The following AKAP11 variants were observed in gnomAD, a reference collection of about 807,000 sequenced individuals.
The protein encoded by AKAP11 is A-kinase anchoring protein 11.
A neutral mutation model predicts 146.1 loss-of-function variants in AKAP11; 36 were observed. The observed-to-expected ratio is 0.25, with a 90% CI of 0.19 to 0.33. The LOEUF (loss-of-function observed/expected upper bound fraction) is 0.33, where lower values mean the gene tolerates loss of function less well. Among genes scored for constraint, AKAP11 ranks in the 10% least tolerant of loss-of-function variants. The pLI, the probability that AKAP11 is intolerant of heterozygous loss-of-function variation, is 1.00. For missense variants in AKAP11, 2,201 were observed against 2,197.0 expected, an observed-to-expected ratio of 1.00 and a Z score of -0.04; for synonymous variants, 780 against 786.5, an observed-to-expected ratio of 0.99 and a Z score of 0.14.
intron 7 of AKAP11, 69 bp from the exon 8 acceptor site, chr13:42,299,294 A>G (rs1566270595): frequency 3.0e-6 from 4 of 1,341,548 alleles, no homozygotes; most frequent in Non-Finnish European, 4.0e-6. Context: ...AGTTTATTCC[A>G]TGGATTTAAG....
rs767012617 is a variant in AKAP11 at position 42,300,311 on chromosome 13, A to G, written c.1565A>G (p.Glu522Gly). 6.2e-7 allele frequency: 1 copy of G among 1,611,850 alleles called. No homozygotes were observed. Reference protein sequence around the residue: ...LSNINSIKHGENKTVTFKHGN... With the variant: ...LSNINSIKHGGNKTVTFKHGN... ...AATATTAACAGTATTAAACATGGAGAAAATAAAACTGTAACTTTTAAGCAT... is the reference window on the plus strand; with the variant it reads ...AATATTAACAGTATTAAACATGGAGGAAATAAAACTGTAACTTTTAAGCAT... The change falls in exon 8 of 13, where the codon GAA becomes GGA. Residue 522 changes from glutamate (E) to glycine (G), a missense_variant. By Grantham distance (98) the Glu-to-Gly change is moderately conservative (BLOSUM62 -2). Coordinates refer to ENST00000025301, the MANE Select transcript of AKAP11 (RefSeq NM_016248.4).
chr13:42,308,427 TTTTTTTTC>T lies in AKAP11; in HGVS notation c.5118-16_5118-9del, dbSNP rs756055037. 5.2e-6 allele frequency: 8 copies of T among 1,535,726 alleles called. No homozygotes were observed. In the South Asian group the frequency reaches 7.4e-5, roughly 14 times the overall value. The stretch of plus-strand genomic sequence containing the variant: ...AGAATCTGGGATGCTTTCAATTTGA[TTTTTTTTC>T]TTTTTTTCTTCTTTTTAGTTCAAAA... On this transcript the variant is annotated intron_variant, in intron 8 of 12. Coordinates refer to ENST00000025301, the MANE Select transcript of AKAP11 (RefSeq NM_016248.4).
chr13:42,322,669 T>G lies in AKAP11; in HGVS notation c.*3441T>G, dbSNP rs576520993. Reference sequence around the variant, plus strand: ...AATTATACTAAAGTGAGATGCATTTTTTCTCATTTTCAGCAAGACTCCTCT... The same window carrying G: ...AATTATACTAAAGTGAGATGCATTTGTTCTCATTTTCAGCAAGACTCCTCT... On this transcript the variant is annotated 3_prime_UTR_variant, in exon 13 of 13. Coordinates refer to ENST00000025301, the MANE Select transcript of AKAP11 (RefSeq NM_016248.4). 6.6e-6 allele frequency: 1 copy of G among 152,466 alleles called. No individual in the cohort carries two copies. The highest frequency in any genetic ancestry group is 2.1e-4 in the South Asian group (1 of 4,828). The allele number at this position is 152,466 out of a possible 1,614,324, so 9.4% of individuals were successfully genotyped here.
chr13:42,279,114 GCTTT>G (rs1958996901), intron 1 of AKAP11, among the ~76,000 whole-genome samples: 1 of 151,904 alleles, frequency 6.6e-6, no homozygotes. Context: ...ATTTGCCTTG[GCTTT>G]CTTTATGTTT....
rs41288311 is a variant in AKAP11 at position 42,302,154 on chromosome 13, A to C, written c.3408A>C (p.Thr1136=). 200,348 of 1,614,068 alleles carry C rather than the reference A, an allele frequency of 0.12. 13,881 individuals are homozygous for C. Among genetic ancestry groups the C allele is most frequent in the Non-Finnish European group, 0.14 (163,375 of 1,179,978 alleles). ...TAGCCAAAGAGTTTGCACCTGCTAC[A>C]CCACCTTCTACTCCACACAACTCAT... is the stretch of plus-strand genomic sequence containing the variant. ...GELAKEFAPA[T]PPSTPHNSSV... Residue 1136 remains threonine (T), a synonymous_variant, in exon 8 of 13, where the codon ACA becomes ACC. Coordinates refer to ENST00000025301, the MANE Select transcript of AKAP11 (RefSeq NM_016248.4).
Position 42,322,403 on chromosome 13 carries a change from G to C in AKAP11, c.*3175G>C, listed in dbSNP as rs925920910. The C allele has an allele frequency of 7.2e-5, 11 of 152,244 alleles. No homozygotes were observed. Among genetic ancestry groups the C allele is most frequent in the Admixed American group, 6.5e-4 (10 of 15,270 alleles). 9.4% of individuals were successfully genotyped at this position (152,244 alleles called of 1,614,324 possible). On this transcript the variant is annotated 3_prime_UTR_variant, in exon 13 of 13. Coordinates refer to ENST00000025301, the MANE Select transcript of AKAP11 (RefSeq NM_016248.4). ...AGAGTTTAACCTTGATTCTTCAACAGAGTCCAGATTTAAATGTCTACTTAG... is the reference window on the plus strand; with the variant it reads ...AGAGTTTAACCTTGATTCTTCAACACAGTCCAGATTTAAATGTCTACTTAG...
chr13:42,300,563 C>T lies in AKAP11; in HGVS notation c.1817C>T (p.Ser606Leu), dbSNP rs1959810950. The T allele has an allele frequency of 6.2e-7, 1 of 1,613,776 alleles. No homozygotes were observed. Among genetic ancestry groups the T allele is most frequent in the African/African-American group, 1.3e-5 (1 of 74,918 alleles). Residue 606 changes from serine (S) to leucine (L), a missense_variant, in exon 8 of 13, where the codon TCA becomes TTA. Coordinates refer to ENST00000025301, the MANE Select transcript of AKAP11 (RefSeq NM_016248.4). ...FDELRRQRAF[S>L]LKERAISGLA... ...GAGCTGAGAAGGCAGCGTGCATTTTCACTAAAAGAACGTGCCATTAGTGGC... is the reference window on the plus strand; with the variant it reads ...GAGCTGAGAAGGCAGCGTGCATTTTTACTAAAAGAACGTGCCATTAGTGGC...
intron 1 of AKAP11, among the ~76,000 whole-genome samples, chr13:42,273,413 A>AT (rs1185885591): frequency 6.7e-6 from 1 of 149,982 alleles, no homozygotes; most frequent in Admixed American, 6.6e-5. Context: ...CTGATTATTC[A>AT]TTTTTTCTTG....
At chr13:42,305,681 GAGT>G (rs2138637895) in intron 8 of AKAP11, among the ~76,000 whole-genome samples, 2 of 152,298 alleles carry the variant, frequency 1.3e-5, no homozygotes, top group East Asian at 3.9e-4. Context: ...TGGCAGAGTT[GAGT>G]AGTTGGGACA....
Position 42,313,139 on chromosome 13 carries a change from A to G in AKAP11, c.5357+9A>G, listed in dbSNP as rs752352130. The G allele has an allele frequency of 1.2e-6, 2 of 1,600,914 alleles. No homozygotes were observed. The highest frequency in any genetic ancestry group is 2.2e-5 in the South Asian group (2 of 89,346). ...TTTCCAACATCAGACAGGTTGGTCC[A>G]GTCTAGAAACTTAAAAACTGATGAG... On this transcript the variant is annotated intron_variant, in intron 10 of 12. Transcript: ENST00000025301.
chr13:42,299,568 G>A lies in AKAP11; in HGVS notation c.822G>A (p.Glu274=). Residue 274 remains glutamate, a synonymous_variant, in exon 8 of 13, where the codon GAG becomes GAA. Coordinates refer to ENST00000025301, the MANE Select transcript of AKAP11 (RefSeq NM_016248.4). ...VKTSVTTSIS[E]PWTQRSFYRS... ...CTTCAGTCACAACATCAATTTCAGA[G>A]CCTTGGACCCAAAGGAGTTTCTATA... 6.2e-7 allele frequency: 1 copy of A among 1,613,982 alleles called. No individual in the cohort carries two copies.
chr13:42,277,802 G>A (rs970021698), intron 1 of AKAP11, among the ~76,000 whole-genome samples: 4 of 152,066 alleles, frequency 2.6e-5, no homozygotes, highest in Admixed American at 1.3e-4. Context: ...AAGGCATGGC[G>A]ATGGAATGAA....
chr13:42,321,649 G>C lies in AKAP11; in HGVS notation c.*2421G>C, dbSNP rs556166011. On this transcript the variant is annotated 3_prime_UTR_variant, in exon 13 of 13. Coordinates refer to ENST00000025301, the MANE Select transcript of AKAP11 (RefSeq NM_016248.4). Reference sequence around the variant, plus strand: ...AAGTGTAGTCTAAACTTAACTTTCTGTAAAGGCACTTTGTGGTTTTTCCAA... The same window carrying C: ...AAGTGTAGTCTAAACTTAACTTTCTCTAAAGGCACTTTGTGGTTTTTCCAA... The C allele has an allele frequency of 3.9e-5, 6 of 152,266 alleles. No individual in the cohort carries two copies. Among genetic ancestry groups the C allele is most frequent in the Non-Finnish European group, 8.8e-5 (6 of 67,986 alleles). The allele number at this position is 152,266 out of a possible 1,614,324, so 9.4% of individuals were successfully genotyped here. A position where few individuals can be genotyped will look rare whatever the true frequency, so the allele number is the denominator to read the frequency against.
rs1391437189 is a variant in AKAP11, at chr13:42,303,148, G to C, written c.4402G>C (p.Asp1468His). 2.5e-6 allele frequency: 4 copies of C among 1,614,176 alleles called. No homozygotes were observed. Among genetic ancestry groups the C allele is most frequent in the Non-Finnish European group, 3.4e-6 (4 of 1,180,024 alleles). ...CTCTCTGGTTCACAGCATAACAAAA[G>C]ATGCTAAGGAAGAGTTGACAGCCTC... is the stretch of plus-strand genomic sequence containing the variant. Reference protein sequence around the residue: ...STSLVHSITKDAKEELTASLV... With the variant: ...STSLVHSITKHAKEELTASLV... The change falls in exon 8 of 13, where the codon GAT (aspartate) becomes CAT (histidine). Residue 1468 changes from aspartate (D) to histidine (H), a missense_variant. Coordinates refer to ENST00000025301, the MANE Select transcript of AKAP11 (RefSeq NM_016248.4).
chr13:42,287,432 C>T (rs1439739570), intron 3 of AKAP11, among the ~76,000 whole-genome samples: 1 of 151,792 alleles, frequency 6.6e-6, no homozygotes, highest in African/African-American at 2.4e-5. Context: ...TACAGGTGCC[C>T]GCCACCACAC....
At position 42,302,631 on chromosome 13, in the gene AKAP11, CGAA is replaced by C; in HGVS notation, c.3888_3890del (p.Glu1296del). 6.2e-7 allele frequency: 1 copy of C among 1,614,002 alleles called. No homozygotes were observed. Among genetic ancestry groups the C allele is most frequent in the Non-Finnish European group, 8.5e-7 (1 of 1,179,992 alleles). ...AGAACAGTTGTTATGCTGATGGTGA[CGAA>C]GATTATAAAGTAGAAGAGAAGTTGG... On this transcript the variant is annotated inframe_deletion, in exon 8 of 13. Transcript: ENST00000025301.
At chr13:42,315,785 A>G (rs376366281) in intron 11 of AKAP11, among the ~76,000 whole-genome samples, 6 of 152,346 alleles carry the variant, frequency 3.9e-5, no homozygotes, top group African/African-American at 1.4e-4. Context: ...AGATTGGTAA[A>G]TTAGGAGCTA....
intron 3 of AKAP11, among the ~76,000 whole-genome samples, chr13:42,291,208 C>G (rs1419844514): frequency 6.6e-6 from 1 of 151,968 alleles, no homozygotes; most frequent in African/African-American, 2.4e-5. Flanking sequence ...TCTGTGACTT[C>G]CATAATTTGT....
rs963772182 is a variant in AKAP11, at chr13:42,308,588, G to A, written c.5252G>A (p.Ser1751Asn). ...GATGAACACCAAGATGAAAGCAGCA[G>A]TTTTCATCATCTAAGTGAAAGGTAA... Reference protein sequence around the residue: ...FEDEHQDESSSFHHLSESNGN... With the variant: ...FEDEHQDESSNFHHLSESNGN... The change falls in exon 9 of 13, where the codon AGT becomes AAT. Residue 1751 changes from serine (S) to asparagine (N), a missense_variant. Around this residue, in one of 3 missense-constraint regions of AKAP11, gnomAD observed 1,867 missense variants for 1,833.5 expected, o/e 1.02. Transcript: ENST00000025301. 4.3e-6 allele frequency: 7 copies of A among 1,612,332 alleles called. No individual in the cohort carries two copies. The highest frequency in any genetic ancestry group is 5.9e-6 in the Non-Finnish European group (7 of 1,178,970).
Sources: allele counts gnomAD v4.1 joint callset (sites outside exome capture counted in the v4.1 genomes callset), GRCh38; gene constraint gnomAD v4.1.1; regional missense constraint gnomAD v4.1.1; transcripts MANE v1.5; gene names NCBI Gene and HGNC (gene_info 2026-07-23, HGNC 2026-07-21).